Variants in ZFHX3 observed in about 807,000 individuals in gnomAD.
ZFHX3 encodes the protein zinc finger homeobox 3.
A neutral mutation model predicts 279.1 loss-of-function variants in ZFHX3; 42 were observed. That is an observed-to-expected ratio of 0.15 (90% CI 0.12 to 0.19). The LOEUF (loss-of-function observed/expected upper bound fraction) is 0.19, where lower values mean the gene tolerates loss of function less well. ZFHX3 is among the 10% of genes least tolerant of loss of function. The probability of loss-of-function intolerance (pLI) is 1.00; values close to 1 mark genes in which losing one functional copy is unlikely to be tolerated. For synonymous variants in ZFHX3, 2,293 were observed against 1,957.8 expected, an observed-to-expected ratio of 1.17 and a Z score of -4.52; for missense variants, 4,981 against 4,754.0, an observed-to-expected ratio of 1.05 and a Z score of -1.40.
intron 2 of ZFHX3, among the ~76,000 whole-genome samples, chr16:73,508,477 T>C (rs1056592625): frequency 6.6e-6 from 1 of 152,236 alleles, no homozygotes; most frequent in Non-Finnish European, 1.5e-5. Flanking sequence ...AAGGATATTA[T>C]GCTTCAAGCA....
In ZFHX3 at chr16:73,506,664, G is replaced by A. The variant is rs8060033; in HGVS notation, c.-1546-50406C>T. Among the ~76,000 whole-genome samples the A allele has an allele frequency of 5.9e-3, 903 of 152,198 alleles. 16 individuals are homozygous for A. Among genetic ancestry groups the A allele is most frequent in the African/African-American group, 0.021 (872 of 41,510 alleles). On this transcript the variant is annotated intron_variant, in intron 2 of 17. Transcript: ENST00000641206. ...CTTCACCACATGTAGCCCTGACCGCGACCAATCAGCCTTCTCCTTCTGCTT... is the reference window on the plus strand; with the variant it reads ...CTTCACCACATGTAGCCCTGACCGCAACCAATCAGCCTTCTCCTTCTGCTT...
intron 1 of ZFHX3, among the ~76,000 whole-genome samples, chr16:73,715,904 G>T (rs1191663982): frequency 2.0e-5 from 3 of 151,988 alleles, no homozygotes; most frequent in Admixed American, 2.0e-4. Flanking sequence ...AGGTCTCCTG[G>T]CTCCAAATCC....
At chr16:73,250,588 C>T (rs1054471558) in intron 5 of ZFHX3, among the ~76,000 whole-genome samples, 1 of 152,112 alleles carries the variant, frequency 6.6e-6, no homozygotes, top group Non-Finnish European at 1.5e-5. Flanking sequence ...GGCTGGGGTG[C>T]AGGGGTGCGA....
At chr16:73,358,435 G>A (rs1178857342) in intron 3 of ZFHX3, among the ~76,000 whole-genome samples, 1 of 152,230 alleles carries the variant, frequency 6.6e-6, no homozygotes, top group African/African-American at 2.4e-5. Flanking sequence ...CCCATGAGAA[G>A]CTGAATCTTG....
At position 72,788,094 on chromosome 16, in the gene ZFHX3, C is replaced by T; in HGVS notation, c.10182G>A (p.Gln3394=). The change falls in exon 10 of 10, where the codon CAG becomes CAA. Residue 3394 remains glutamine, a synonymous_variant. Coordinates refer to ENST00000268489, the MANE Select transcript of ZFHX3 (RefSeq NM_006885.4). ...QQQQQQKVQQ[Q]QPKASQTPVP... Reference sequence around the variant, plus strand: ...CTGGGGTTTGGCTTGCTTTGGGCTGCTGCTGCTGCACTTTTTGCTGCTGCT... The same window carrying T: ...CTGGGGTTTGGCTTGCTTTGGGCTGTTGCTGCTGCACTTTTTGCTGCTGCT... 1.2e-6 allele frequency: 2 copies of T among 1,608,562 alleles called. No individual in the cohort carries two copies. Among genetic ancestry groups the T allele is most frequent in the Non-Finnish European group, 1.7e-6 (2 of 1,176,922 alleles).
intron 2 of ZFHX3, among the ~76,000 whole-genome samples, chr16:73,472,076 T>C (rs550634298): frequency 6.6e-6 from 1 of 152,190 alleles, no homozygotes; most frequent in Non-Finnish European, 1.5e-5. Flanking sequence ...TTCCTCCTAA[T>C]AGTCTTTTGG....
intron 3 of ZFHX3, among the ~76,000 whole-genome samples, chr16:72,894,303 C>T (rs535618717): frequency 4.6e-5 from 7 of 152,264 alleles, no homozygotes; most frequent in Non-Finnish European, 8.8e-5. Flanking sequence ...CCAAGTGTCT[C>T]GTTATTTCTT....
At chr16:73,659,764 G>A (rs575638103) in intron 2 of ZFHX3, among the ~76,000 whole-genome samples, 3 of 152,260 alleles carry the variant, frequency 2.0e-5, no homozygotes, top group South Asian at 4.2e-4. Flanking sequence ...TCATCTGGGC[G>A]TATATCGTGT....
intron 4 of ZFHX3, among the ~76,000 whole-genome samples, chr16:72,847,084 T>C (rs141325403): frequency 4.6e-5 from 7 of 152,368 alleles, no homozygotes; most frequent in African/African-American, 1.7e-4. Context: ...TTACTGACTG[T>C]TCTGCATGTC....
chr16:73,650,332 C>T (rs539761569), intron 2 of ZFHX3, among the ~76,000 whole-genome samples: 4 of 149,976 alleles, frequency 2.7e-5, no homozygotes, highest in East Asian at 1.9e-4. Context: ...TTGCCCTAAG[C>T]GCATTTTCCA....
chr16:73,362,142 CA>C (rs34667692), intron 3 of ZFHX3, among the ~76,000 whole-genome samples: 48,534 of 152,070 alleles, frequency 0.32, 8,299 homozygotes, highest in African/African-American at 0.45. Context: ...CCTTCCTTGC[CA>C]ACCCCCACCC....
chr16:73,439,084 T>C (rs949862735), intron 3 of ZFHX3, among the ~76,000 whole-genome samples: 11 of 152,316 alleles, frequency 7.2e-5, no homozygotes, highest in African/African-American at 2.4e-4. Flanking sequence ...CCTTCCTCCC[T>C]AAACCAAAGC....
intron 5 of ZFHX3, among the ~76,000 whole-genome samples, chr16:73,245,595 T>C (rs1355299671): frequency 1.3e-5 from 2 of 152,222 alleles, no homozygotes; most frequent in African/African-American, 2.4e-5. Flanking sequence ...TAAGCAAAGA[T>C]GGTGTCCAAG....
chr16:73,862,657 G>C (rs1961913753), intron 1 of ZFHX3, among the ~76,000 whole-genome samples: 1 of 151,848 alleles, frequency 6.6e-6, no homozygotes, highest in African/African-American at 2.4e-5. Flanking sequence ...ATGCCTGTTT[G>C]TCTCAGCTAT....
At chr16:72,912,541 T>C (rs919726920) in intron 3 of ZFHX3, among the ~76,000 whole-genome samples, 6 of 152,108 alleles carry the variant, frequency 3.9e-5, no homozygotes, top group East Asian at 1.9e-4. Context: ...ATGATCAGAA[T>C]GGGAGTCAAA....
chr16:73,288,492 C>T (rs2014686522), intron 4 of ZFHX3, among the ~76,000 whole-genome samples: 1 of 152,172 alleles, frequency 6.6e-6, no homozygotes, highest in Non-Finnish European at 1.5e-5. Flanking sequence ...TCTTCACCTA[C>T]AGAAAATGAG....
intron 3 of ZFHX3, among the ~76,000 whole-genome samples, chr16:73,449,016 C>G (rs1222272866): frequency 2.0e-5 from 3 of 152,138 alleles, no homozygotes; most frequent in South Asian, 4.1e-4. Flanking sequence ...AATGTCTAGT[C>G]AGGTTCATGT....
At position 72,829,778 on chromosome 16, in the gene ZFHX3, C is replaced by T; in HGVS notation, c.3529+1G>A. 1 of 1,614,214 alleles carries T rather than the reference C, an allele frequency of 6.2e-7. No individual in the cohort carries two copies. Among genetic ancestry groups the T allele is most frequent in the Non-Finnish European group, 8.5e-7 (1 of 1,180,042 alleles). On this transcript the variant is annotated splice_donor_variant, in intron 5 of 9. Transcript: ENST00000268489. LOFTEE classifies it high-confidence loss of function. ...TGTCCACTTGCCCTGGTCTTTCTCACCTCCGCCCTCTTGGTCCTTAGCAAG... is the reference window on the plus strand; with the variant it reads ...TGTCCACTTGCCCTGGTCTTTCTCATCTCCGCCCTCTTGGTCCTTAGCAAG...
chr16:73,781,965 C>T (rs1395506349), intron 1 of ZFHX3, among the ~76,000 whole-genome samples: 7 of 151,912 alleles, frequency 4.6e-5, no homozygotes, highest in Admixed American at 6.6e-5. Context: ...CCAGCCAGGG[C>T]GAAAGAGCGA....
Sources: gnomAD v4.1 joint callset for allele counts (sites outside exome capture counted in the v4.1 genomes callset) on GRCh38, gnomAD v4.1.1 for gene constraint, MANE v1.5 for transcripts, NCBI Gene and HGNC (gene_info 2026-07-23, HGNC 2026-07-21) for gene names.